Variants in SPIRE1 observed in about 807,000 individuals in gnomAD.
SPIRE1 encodes protein spire homolog 1.
SPIRE1 carries 40 observed loss-of-function variants against 94.1 expected under a neutral mutation model. The observed-to-expected ratio is 0.43, with a 90% CI of 0.33 to 0.55. The LOEUF is 0.55. SPIRE1 is among the 20% of genes least tolerant of loss of function. The pLI is 0.06. For missense variants in SPIRE1, 838 were observed against 975.2 expected (o/e 0.86, Z 1.87); for synonymous variants, 376 against 371.7 (o/e 1.01, Z -0.13).
chr18:12,590,150 T>C (rs2036492343), intron 2 of SPIRE1, among the ~76,000 whole-genome samples: 1 of 151,700 alleles, frequency 6.6e-6, no homozygotes. Context: ...TGCAATGGTG[T>C]AGTCCCGGCT....
chr18:12,509,853 CG>C (rs1555617601), intron 5 of SPIRE1, among the ~76,000 whole-genome samples: 2 of 152,138 alleles, frequency 1.3e-5, no homozygotes, highest in East Asian at 1.9e-4. Context: ...GAGGCCAAGG[CG>C]GGCGGATCAC....
intron 2 of SPIRE1, among the ~76,000 whole-genome samples, chr18:12,632,556 C>T (rs1028143892): frequency 6.6e-6 from 1 of 152,150 alleles, no homozygotes; most frequent in Admixed American, 6.6e-5. Context: ...TTAAATCAAA[C>T]AATATGGATA....
chr18:12,555,305 C>T (rs964191444), intron 2 of SPIRE1, among the ~76,000 whole-genome samples: 4 of 119,410 alleles, frequency 3.3e-5, no homozygotes, highest in Non-Finnish European at 5.6e-5. Context: ...AAAGACTTAT[C>T]AAAAAAAAAA....
intron 2 of SPIRE1, among the ~76,000 whole-genome samples, chr18:12,552,947 A>G (rs2035397400): frequency 6.6e-6 from 1 of 152,090 alleles, no homozygotes. Context: ...GGCCCCAGCT[A>G]ATGGATTTCT....
Position 12,546,765 on chromosome 18 carries a change from T to C in SPIRE1, c.512A>G (p.Asp171Gly). The C allele has an allele frequency of 6.2e-7, 1 of 1,614,158 alleles. No homozygotes were observed. Among genetic ancestry groups the C allele is most frequent in the Non-Finnish European group, 8.5e-7 (1 of 1,180,024 alleles). ...ANTVEADGSN[D>G]EGYEAAEEGL... is the part of the protein sequence containing the mutation. The stretch of plus-strand genomic sequence containing the variant: ...TTCTTCTGCAGCCTCATAGCCCTCA[T>C]CATTGCTACCGTCAGCTTCCACCGT... Residue 171 changes from aspartate (D) to glycine (G), a missense_variant, in exon 3 of 17, where the codon GAT becomes GGT. Around this residue, in one of 2 missense-constraint regions of SPIRE1, gnomAD observed 645 missense variants for 804.7 expected, o/e 0.80. Transcript: ENST00000409402.
intron 1 of SPIRE1, among the ~76,000 whole-genome samples, chr18:12,645,321 C>T (rs573144372): frequency 4.5e-4 from 69 of 152,224 alleles, no homozygotes; most frequent in South Asian, 2.1e-3. Flanking sequence ...AACATGACTC[C>T]ACAGGAAAAA....
rs117288204 is a variant in SPIRE1, at chr18:12,477,557, C to T, written c.1404+2142G>A. The stretch of plus-strand genomic sequence containing the variant: ...GATATAAAGTAAATTCAGCATGGTT[C>T]CTCCTCTCAGGGAACATGTACTCTG... On this transcript the variant is annotated intron_variant, in intron 10 of 16. Transcript: ENST00000409402. 1.1e-3 allele frequency among the ~76,000 whole-genome samples: 172 copies of T among 152,202 alleles called. 1 individual carries two copies. Among genetic ancestry groups the T allele is most frequent in the Admixed American group, 3.3e-3 (51 of 15,272 alleles).
chr18:12,578,991 A>G (rs1329727104), intron 2 of SPIRE1, among the ~76,000 whole-genome samples: 1 of 152,212 alleles, frequency 6.6e-6, no homozygotes, highest in East Asian at 1.9e-4. Flanking sequence ...AAATCATCAT[A>G]GGAACTTGAC....
chr18:12,548,072 T>C (rs2035225216), intron 2 of SPIRE1, among the ~76,000 whole-genome samples: 2 of 152,232 alleles, frequency 1.3e-5, no homozygotes. Flanking sequence ...ATGTCAATGA[T>C]ACCTCCATTT....
intron 10 of SPIRE1, among the ~76,000 whole-genome samples, chr18:12,476,588 T>TATATAC (rs1238183759): frequency 9.6e-6 from 1 of 104,390 alleles, no homozygotes; most frequent in Non-Finnish European, 2.0e-5. Flanking sequence ...TATATATATA[T>TATATAC]ACACACACAC....
chr18:12,529,540 C>T (rs1019855861), intron 4 of SPIRE1, among the ~76,000 whole-genome samples: 3 of 151,968 alleles, frequency 2.0e-5, no homozygotes, highest in African/African-American at 4.8e-5. Context: ...AACTAAGCAC[C>T]GCAGGTACAG....
At chr18:12,563,259 A>C (rs764099783) in intron 2 of SPIRE1, among the ~76,000 whole-genome samples, 14 of 152,068 alleles carry the variant, frequency 9.2e-5, no homozygotes, top group African/African-American at 1.2e-4. Context: ...ATACATTTAT[A>C]TAAGAAAGTA....
At chr18:12,658,196 C>A (rs1038845316), upstream of SPIRE1, 1 of 643,458 alleles carries the variant, frequency 1.6e-6, no homozygotes, top group Non-Finnish European at 2.3e-6. Flanking sequence ...GGGGGATGCA[C>A]GCTCTGGAGG....
intron 2 of SPIRE1, among the ~76,000 whole-genome samples, chr18:12,621,860 T>A (rs759161116): frequency 6.6e-6 from 1 of 152,152 alleles, no homozygotes; most frequent in African/African-American, 2.4e-5. Context: ...AAATTATTTT[T>A]AAAAAAATTA....
intron 10 of SPIRE1, among the ~76,000 whole-genome samples, chr18:12,465,355 T>G (rs2032048335): frequency 6.6e-6 from 1 of 152,046 alleles, no homozygotes. Context: ...TTAAATTTTT[T>G]GTAGAGACAG....
At chr18:12,462,159 A>C (rs1331229092) in intron 12 of SPIRE1, among the ~76,000 whole-genome samples, 3 of 152,208 alleles carry the variant, frequency 2.0e-5, no homozygotes, top group Admixed American at 6.5e-5. Flanking sequence ...TAAAATCATT[A>C]GTTCTTTAAT....
intron 9 of SPIRE1, among the ~76,000 whole-genome samples, chr18:12,481,265 A>G (rs2032830823): frequency 6.6e-6 from 1 of 151,914 alleles, no homozygotes; most frequent in African/African-American, 2.4e-5. Context: ...TGTGTCTCAA[A>G]AAAAAGAACA....
At chr18:12,527,882 C>T (rs988734303) in intron 4 of SPIRE1, among the ~76,000 whole-genome samples, 17 of 152,026 alleles carry the variant, frequency 1.1e-4, no homozygotes, top group Non-Finnish European at 1.8e-4. Flanking sequence ...CTGGCTAACA[C>T]GGTGAAACCC....
chr18:12,465,531 G>C (rs2032058164), intron 10 of SPIRE1, among the ~76,000 whole-genome samples: 1 of 152,154 alleles, frequency 6.6e-6, no homozygotes, highest in Non-Finnish European at 1.5e-5. Flanking sequence ...TTATTGGAAA[G>C]ATGAAATGAG....
Sources: gnomAD v4.1 joint callset for allele counts (sites outside exome capture counted in the v4.1 genomes callset) on GRCh38, gnomAD v4.1.1 for gene constraint, gnomAD v4.1.1 regional missense constraint, MANE v1.5 for transcripts, NCBI Gene and HGNC (gene_info 2026-07-23, HGNC 2026-07-21) for gene names.